Variants in ZNF223 observed in about 807,000 individuals in gnomAD.
ZNF223 encodes the protein zinc finger protein 223.
In ZNF223, 9 loss-of-function variants were observed where a neutral mutation model predicts 12.3. The ratio of observed to expected loss-of-function variants is 0.73; its 90% CI spans 0.44 to 1.28. The LOEUF is 1.28. ZNF223 is among the 50% of genes most tolerant of loss of function. The pLI is 0.00. For synonymous variants in ZNF223, 171 were observed against 195.2 expected, an observed-to-expected ratio of 0.88 and a Z score of 1.03; for missense variants, 506 against 579.0, an observed-to-expected ratio of 0.87 and a Z score of 1.29.
chr19:44,060,408 G>T (rs1976821063), intron 2 of ZNF223, 47 bp from the exon 3 acceptor site: 1 of 1,606,262 alleles, frequency 6.2e-7, no homozygotes, highest in African/African-American at 1.3e-5. Context: ...TTCTCTCCCA[G>T]TAACCATTGG....
intron 2 of ZNF223, 153 bp from the exon 3 acceptor site, chr19:44,060,302 C>A: frequency 7.8e-7 from 1 of 1,289,090 alleles, no homozygotes; most frequent in Non-Finnish European, 1.1e-6. Flanking sequence ...ATTGTCAGGA[C>A]ACAGACTAGA....
chr19:44,067,307 G>A lies in ZNF223; in HGVS notation c.*30G>A. The A allele has an allele frequency of 6.4e-7, 1 of 1,562,196 alleles. No individual in the cohort carries two copies. Among genetic ancestry groups the A allele is most frequent in the Non-Finnish European group, 8.7e-7 (1 of 1,145,138 alleles). ...TGTACATATTTATGGGGTACAGTGT[G>A]ATATTTAAATATATGTATATGATGT... On this transcript the variant is annotated 3_prime_UTR_variant, in exon 5 of 5. Transcript: ENST00000434772.
chr19:44,053,632 A>G (rs1257674026), intron 1 of ZNF223, among the ~76,000 whole-genome samples: 4 of 152,054 alleles, frequency 2.6e-5, no homozygotes. Flanking sequence ...CTCAACTGCA[A>G]AGAGGCCTTC....
intron 1 of ZNF223, among the ~76,000 whole-genome samples, chr19:44,053,814 G>C (rs906584335): frequency 1.3e-5 from 2 of 152,192 alleles, no homozygotes; most frequent in Non-Finnish European, 2.9e-5. Context: ...GCAGTGTATG[G>C]TGTCCCTGGT....
At chr19:44,060,381 G>C in intron 2 of ZNF223, 74 bp from the exon 3 acceptor site, 1 of 1,573,522 alleles carries the variant, frequency 6.4e-7, no homozygotes, top group Non-Finnish European at 8.6e-7. Context: ...TTTTCCTCTT[G>C]GCCTCCTCAA....
In ZNF223 at chr19:44,066,574, T is replaced by G. The variant is rs769995407; in HGVS notation, c.746T>G (p.Val249Gly). The change falls in exon 5 of 5, where the codon GTT becomes GGT. Residue 249 changes from valine to glycine, a missense_variant. Physicochemically the swap from Val to Gly is moderately radical, Grantham distance 109. Coordinates refer to ENST00000434772, the MANE Select transcript of ZNF223 (RefSeq NM_013361.6). The stretch of plus-strand genomic sequence containing the variant: ...TTCAGATGTAGATCAGCACTTACAG[T>G]TCATTGCAAATTACACATGGGAGAG... ...RGFRCRSALT[V>G]HCKLHMGEKH... 3 of 1,614,156 alleles carry G rather than the reference T, an allele frequency of 1.9e-6. No individual in the cohort carries two copies. The highest frequency in any genetic ancestry group is 1.6e-4 in the Middle Eastern group (1 of 6,062).
At chr19:44,058,764 G>A (rs557110971) in intron 2 of ZNF223, among the ~76,000 whole-genome samples, 58 of 152,308 alleles carry the variant, frequency 3.8e-4, no homozygotes, top group Non-Finnish European at 6.6e-4. Context: ...AGTATCTATC[G>A]GCCATTGCCT....
At chr19:44,062,171 G>C (rs1404466640) in intron 4 of ZNF223, among the ~76,000 whole-genome samples, 2 of 152,158 alleles carry the variant, frequency 1.3e-5, no homozygotes, top group Admixed American at 1.3e-4. Flanking sequence ...ACATGAACCA[G>C]AGTGTATGAA....
intron 4 of ZNF223, 37 bp from the exon 5 acceptor site, chr19:44,066,027 T>C (rs1232703429): frequency 6.5e-7 from 1 of 1,543,886 alleles, no homozygotes; most frequent in East Asian, 2.2e-5. Context: ...GAACAGGGCA[T>C]AGCTTGTCCT....
intron 2 of ZNF223, among the ~76,000 whole-genome samples, chr19:44,059,897 A>G (rs1280980276): frequency 6.6e-6 from 1 of 152,228 alleles, no homozygotes; most frequent in Non-Finnish European, 1.5e-5. Context: ...GTGGGATCCC[A>G]TAGAAGTCAG....
At chr19:44,060,385 T>C in intron 2 of ZNF223, 70 bp from the exon 3 acceptor site, 1 of 1,580,110 alleles carries the variant, frequency 6.3e-7, no homozygotes, top group Non-Finnish European at 8.6e-7. Context: ...CCTCTTGGCC[T>C]CCTCAATGTT....
At position 44,064,196 on chromosome 19, in the gene ZNF223, TA is replaced by T. The variant is rs369487807; in HGVS notation, c.236-1865del. Among the ~76,000 whole-genome samples the T allele has an allele frequency of 2.8e-3, 424 of 152,338 alleles. 4 individuals are homozygous for T. Among genetic ancestry groups the T allele is most frequent in the South Asian group, 0.013 (65 of 4,830 alleles). On this transcript the variant is annotated intron_variant, in intron 4 of 4. Coordinates refer to ENST00000434772, the MANE Select transcript of ZNF223 (RefSeq NM_013361.6). ...TAATTTTCATTCTGGCTCCTTTCTA[TA>T]AATGTCTATTGAAGGTTTTAACTTT...
chr19:44,054,699 C>G (rs1976742967), intron 1 of ZNF223, among the ~76,000 whole-genome samples: 1 of 152,176 alleles, frequency 6.6e-6, no homozygotes, highest in South Asian at 2.1e-4. Flanking sequence ...TGCCCATTTA[C>G]TTTGAACCTC....
rs1976936295 is a variant in ZNF223 at position 44,067,382 on chromosome 19, T to A, written c.*105T>A. 8.0e-7 allele frequency: 1 copy of A among 1,249,468 alleles called. No individual in the cohort carries two copies. Among genetic ancestry groups the A allele is most frequent in the African/African-American group, 1.5e-5 (1 of 67,286 alleles). The allele number at this position is 1,249,468 out of a possible 1,614,324, so 77.4% of individuals were successfully genotyped here. A position where few individuals can be genotyped will look rare whatever the true frequency, so the allele number is the denominator to read the frequency against. ...GCACATTTATCACCTCAATTATCTC[T>A]TTTTTGTGTTGAGAAAATTAAAAAT... On this transcript the variant is annotated 3_prime_UTR_variant, in exon 5 of 5. Transcript: ENST00000434772.
At chr19:44,057,510 G>A (rs11880794) in intron 2 of ZNF223, among the ~76,000 whole-genome samples, 4,469 of 152,168 alleles carry the variant, frequency 0.029, 215 homozygotes, top group African/African-American at 0.1. Context: ...ACAGTAATAA[G>A]TAATACCAGC....
At chr19:44,059,715 G>C (rs1976812256) in intron 2 of ZNF223, among the ~76,000 whole-genome samples, 1 of 152,154 alleles carries the variant, frequency 6.6e-6, no homozygotes, top group South Asian at 2.1e-4. Flanking sequence ...CATTCCCCTG[G>C]TTGTTTGGCT....
Position 44,066,406 on chromosome 19 carries a change from T to A in ZNF223, c.578T>A (p.Ile193Asn). 6.2e-7 allele frequency: 1 copy of A among 1,614,224 alleles called. No individual in the cohort carries two copies. The highest frequency in any genetic ancestry group is 8.5e-7 in the Non-Finnish European group (1 of 1,180,042). Residue 193 changes from isoleucine (I) to asparagine (N), a missense_variant, in exon 5 of 5, where the codon ATT becomes AAT. Physicochemically the swap from Ile to Asn is moderately radical, Grantham distance 149 (BLOSUM62 -3). Coordinates refer to ENST00000434772, the MANE Select transcript of ZNF223 (RefSeq NM_013361.6). ...TTCTGTTACATCTCAGCGCTTCATA[T>A]TCATCAGAGAGTCCACCTGGGAGAG... ...KSFCYISALH[I>N]HQRVHLGEKL...
intron 2 of ZNF223, among the ~76,000 whole-genome samples, chr19:44,057,360 A>G (rs1034767083): frequency 1.3e-5 from 2 of 152,224 alleles, no homozygotes; most frequent in Non-Finnish European, 2.9e-5. Context: ...ATGTTCTTAC[A>G]TCTTACTACT....
intron 2 of ZNF223, among the ~76,000 whole-genome samples, chr19:44,059,190 G>A (rs1337686616): frequency 2.0e-5 from 3 of 152,162 alleles, no homozygotes; most frequent in East Asian, 1.9e-4. Flanking sequence ...ACATTCATGC[G>A]GCCCTTACAG....
Sources: allele counts gnomAD v4.1 joint callset (sites outside exome capture counted in the v4.1 genomes callset), GRCh38; gene constraint gnomAD v4.1.1; transcripts MANE v1.5; gene names NCBI Gene and HGNC (gene_info 2026-07-23, HGNC 2026-07-21).